Variants in ACER3 observed in about 807,000 individuals in gnomAD.
The protein encoded by ACER3 is alkaline ceramidase 3.
A neutral mutation model predicts 48.9 loss-of-function variants in ACER3; 16 were observed. The observed-to-expected ratio is 0.33, with a 90% confidence interval of 0.22 to 0.50. The LOEUF (loss-of-function observed/expected upper bound fraction) is 0.50. Ranked by LOEUF, ACER3 falls within the 20% of genes least tolerant of loss-of-function variation. The pLI, the probability that ACER3 is intolerant of heterozygous loss-of-function variation, is 0.98. For missense variants in ACER3, 227 were observed against 326.0 expected (o/e 0.70, Z 2.34); for synonymous variants, 109 against 107.8 (o/e 1.01, Z -0.07).
At chr11:76,928,312 GTT>G (rs893881024) in intron 2 of ACER3, among the ~76,000 whole-genome samples, 3 of 151,924 alleles carry the variant, frequency 2.0e-5, no homozygotes, top group African/African-American at 7.3e-5. Flanking sequence ...GGGGTTGTTT[GTT>G]TTTTTCTTGT....
At chr11:76,999,755 C>T (rs1258420921) in intron 7 of ACER3, among the ~76,000 whole-genome samples, 1 of 152,100 alleles carries the variant, frequency 6.6e-6, no homozygotes, top group African/African-American at 2.4e-5. Context: ...TTTTTGAACT[C>T]AGCATAATTA....
chr11:76,950,653 T>A (rs1206432579), intron 2 of ACER3, among the ~76,000 whole-genome samples: 1 of 151,426 alleles, frequency 6.6e-6, no homozygotes, highest in East Asian at 2.0e-4. Context: ...TGTAGAGACA[T>A]TGTGTCACCA....
At chr11:76,987,940 AAAAC>A (rs1948718335) in intron 5 of ACER3, among the ~76,000 whole-genome samples, 1 of 152,220 alleles carries the variant, frequency 6.6e-6, no homozygotes. Flanking sequence ...GCCCTGTCTC[AAAAC>A]AAACAAAGAC....
At chr11:76,865,050 T>C (rs1392012518) in intron 1 of ACER3, among the ~76,000 whole-genome samples, 1 of 151,584 alleles carries the variant, frequency 6.6e-6, no homozygotes, top group East Asian at 1.9e-4. Context: ...CACAGCTCAC[T>C]GCAGCCTCGA....
At chr11:76,998,095 T>C (rs1312236296) in intron 6 of ACER3, among the ~76,000 whole-genome samples, 1 of 152,216 alleles carries the variant, frequency 6.6e-6, no homozygotes, top group Non-Finnish European at 1.5e-5. Context: ...ACCTGGGTGG[T>C]GCTTTCTCAA....
At chr11:76,885,766 G>C (rs10899301) in intron 1 of ACER3, among the ~76,000 whole-genome samples, 86,722 of 151,880 alleles carry the variant, frequency 0.57, 28,206 homozygotes, top group Non-Finnish European at 0.74. Flanking sequence ...GAGGTAGTTG[G>C]GACTATGGGC....
chr11:76,914,264 C>T (rs536092825), intron 1 of ACER3, among the ~76,000 whole-genome samples: 10 of 152,222 alleles, frequency 6.6e-5, no homozygotes, highest in Admixed American at 3.3e-4. Context: ...AACAGGCAAC[C>T]TACAGAATGG....
At chr11:76,969,899 A>C (rs925890730) in intron 3 of ACER3, among the ~76,000 whole-genome samples, 2 of 151,898 alleles carry the variant, frequency 1.3e-5, no homozygotes, top group Admixed American at 6.6e-5. Context: ...TACATATGTA[A>C]CAAACCTGCA....
intron 3 of ACER3, among the ~76,000 whole-genome samples, chr11:76,970,524 A>T (rs1948270402): frequency 6.6e-6 from 1 of 152,124 alleles, no homozygotes; most frequent in Admixed American, 6.5e-5. Flanking sequence ...CTGACAACTA[A>T]ATACAATGTA....
At chr11:76,950,367 A>G (rs1394820521) in intron 2 of ACER3, among the ~76,000 whole-genome samples, 1 of 16,212 alleles carries the variant, frequency 6.2e-5, no homozygotes, top group African/African-American at 2.1e-4. Flanking sequence ...ATATATATAT[A>G]TATATATATA....
At chr11:76,861,820 A>G (rs1031199961) in intron 1 of ACER3, among the ~76,000 whole-genome samples, 4 of 152,266 alleles carry the variant, frequency 2.6e-5, no homozygotes, top group African/African-American at 7.2e-5. Context: ...CCAACTATCT[A>G]GGAGTTAGGG....
chr11:76,973,275 G>A (rs1156940970), intron 3 of ACER3, among the ~76,000 whole-genome samples: 1 of 152,120 alleles, frequency 6.6e-6, no homozygotes, highest in Middle Eastern at 3.2e-3. Flanking sequence ...CTGCATTTAT[G>A]GTGACTTGTT....
At chr11:76,928,951 T>C (rs542927200) in intron 2 of ACER3, among the ~76,000 whole-genome samples, 1 of 152,342 alleles carries the variant, frequency 6.6e-6, no homozygotes, top group South Asian at 2.1e-4. Flanking sequence ...CGGGCTCTTT[T>C]TTAGTTCCAT....
At chr11:76,925,507 ATCCTTTTCT>A (rs1468513568) in intron 1 of ACER3, among the ~76,000 whole-genome samples, 3 of 152,154 alleles carry the variant, frequency 2.0e-5, no homozygotes, top group Non-Finnish European at 4.4e-5. Context: ...CAAATTATCT[ATCCTTTTCT>A]TCCTTTTCTT....
intron 2 of ACER3, among the ~76,000 whole-genome samples, chr11:76,948,657 T>C (rs951788871): frequency 6.6e-6 from 1 of 152,226 alleles, no homozygotes; most frequent in Non-Finnish European, 1.5e-5. Flanking sequence ...TATGGAAACA[T>C]GACCTTCTCC....
intron 6 of ACER3, chr11:76,998,476 T>G: frequency 4.4e-6 from 1 of 228,724 alleles, no homozygotes; most frequent in Non-Finnish European, 8.0e-6. Context: ...ACAGCATTTG[T>G]TCAGGTTTCA....
At chr11:76,873,021 C>G (rs957075269) in intron 1 of ACER3, among the ~76,000 whole-genome samples, 82 of 150,158 alleles carry the variant, frequency 5.5e-4, no homozygotes, top group African/African-American at 1.9e-3. Context: ...AAGGGATCCT[C>G]CTGCCTCAGA....
chr11:76,903,259 C>A (rs566817696), intron 1 of ACER3, among the ~76,000 whole-genome samples: 1 of 152,210 alleles, frequency 6.6e-6, no homozygotes, highest in Admixed American at 6.5e-5. Flanking sequence ...GTTATCTCTG[C>A]CCTGAATACT....
intron 1 of ACER3, among the ~76,000 whole-genome samples, chr11:76,873,198 C>T (rs1350758910): frequency 6.6e-6 from 1 of 152,120 alleles, no homozygotes; most frequent in East Asian, 1.9e-4. Flanking sequence ...TAAGCCACCA[C>T]GCCTGGCTGA....
Sources: gnomAD v4.1 joint callset for allele counts (sites outside exome capture counted in the v4.1 genomes callset) on GRCh38, gnomAD v4.1.1 for gene constraint, MANE v1.5 for transcripts, NCBI Gene and HGNC (gene_info 2026-07-23, HGNC 2026-07-21) for gene names.